The following AFF3 variants were observed in gnomAD, a reference collection of about 807,000 sequenced individuals.
The protein encoded by AFF3 is ALF transcription elongation factor 3.
A neutral mutation model predicts 129.7 loss-of-function variants in AFF3; 32 were observed. That is an observed-to-expected ratio of 0.25 (90% confidence interval 0.19 to 0.33). The LOEUF is 0.33. AFF3 is among the 10% of genes least tolerant of loss of function. AFF3 has a pLI of 1.00. For synonymous variants in AFF3, 644 were observed against 635.4 expected (o/e 1.01, Z -0.20); for missense variants, 1,373 against 1,592.0 (o/e 0.86, Z 2.34).
chr2:99,556,962 C>T (rs1674981936), intron 22 of AFF3, among the ~76,000 whole-genome samples: 1 of 151,232 alleles, frequency 6.6e-6, no homozygotes, highest in Non-Finnish European at 1.5e-5. Context: ...TTTCAGTTAT[C>T]AGGAATAAGT....
chr2:99,989,623 T>C (rs1353279868), intron 7 of AFF3, among the ~76,000 whole-genome samples: 1 of 152,218 alleles, frequency 6.6e-6, no homozygotes. Flanking sequence ...TTATAGCTAG[T>C]CTCATTTGCA....
intron 22 of AFF3, 99 bp downstream of exon 22, chr2:99,558,776 C>A (rs1297647117): frequency 1.2e-5 from 14 of 1,184,110 alleles, no homozygotes; most frequent in Admixed American, 8.0e-5. Context: ...AGGTGACCTG[C>A]ATTAACCCCA....
intron 8 of AFF3, among the ~76,000 whole-genome samples, chr2:99,814,838 G>A (rs910046442): frequency 2.0e-5 from 3 of 146,572 alleles, no homozygotes; most frequent in Non-Finnish European, 4.5e-5. Flanking sequence ...CATATGATTT[G>A]GCATTTTAAT....
chr2:99,954,657 T>C (rs1232502739), intron 7 of AFF3, among the ~76,000 whole-genome samples: 2 of 150,184 alleles, frequency 1.3e-5, no homozygotes, highest in African/African-American at 2.5e-5. Flanking sequence ...CAGTAAACTA[T>C]CGCAAGAACA....
At chr2:99,795,514 T>C (rs1218880970) in intron 8 of AFF3, among the ~76,000 whole-genome samples, 2 of 152,074 alleles carry the variant, frequency 1.3e-5, no homozygotes, top group African/African-American at 4.8e-5. Context: ...TATACTCCCA[T>C]AACAAAACAG....
chr2:99,894,161 T>C (rs911386654), intron 7 of AFF3, among the ~76,000 whole-genome samples: 13 of 150,580 alleles, frequency 8.6e-5, no homozygotes, highest in Non-Finnish European at 1.6e-4. Flanking sequence ...AGGATGTTCC[T>C]CACAAAGCCC....
At chr2:100,104,992 C>T (rs1254285846) in intron 3 of AFF3, 3 of 150,618 alleles carry the variant, frequency 2.0e-5, no homozygotes, top group Non-Finnish European at 4.4e-5. Context: ...GCCGCGCCGC[C>T]CTGCCGCCCC....
At chr2:100,020,145 A>G (rs1357408340) in intron 4 of AFF3, among the ~76,000 whole-genome samples, 1 of 151,958 alleles carries the variant, frequency 6.6e-6, no homozygotes, top group African/African-American at 2.4e-5. Context: ...GTTCACGGCC[A>G]GGCTTCAACT....
chr2:99,947,106 G>A (rs551159089), intron 7 of AFF3, among the ~76,000 whole-genome samples: 3 of 152,244 alleles, frequency 2.0e-5, no homozygotes, highest in African/African-American at 4.8e-5. Context: ...ATATAAAGGC[G>A]CATAACACAT....
intron 7 of AFF3, among the ~76,000 whole-genome samples, chr2:99,896,268 A>G (rs1693938382): frequency 6.6e-6 from 1 of 152,192 alleles, no homozygotes; most frequent in Admixed American, 6.5e-5. Flanking sequence ...ACTGTGTACT[A>G]TGGAATGCAC....
chr2:99,630,029 C>A (rs1448396945), intron 13 of AFF3, among the ~76,000 whole-genome samples: 8 of 152,228 alleles, frequency 5.3e-5, no homozygotes, highest in African/African-American at 9.6e-5. Context: ...TCACTATAGA[C>A]CCCCTTCTGA....
chr2:99,748,267 T>C lies in AFF3; in HGVS notation c.1002+3954A>G, dbSNP rs367846574. On this transcript the variant is annotated intron_variant, in intron 9 of 24. Coordinates refer to ENST00000672756, the MANE Select transcript of AFF3 (RefSeq NM_001386135.1). ...GCCACCCCATCCAGATACCTACATA[T>C]GTGTAGCTTCTGTCTCACCAGCCTT... 1.7e-4 allele frequency among the ~76,000 whole-genome samples: 26 copies of C among 152,300 alleles called. 1 individual carries two copies. Among genetic ancestry groups the C allele is most frequent in the South Asian group, 1.7e-3 (8 of 4,826 alleles).
At chr2:99,664,770 AT>A (rs1686530726) in intron 12 of AFF3, among the ~76,000 whole-genome samples, 1 of 152,244 alleles carries the variant, frequency 6.6e-6, no homozygotes, top group South Asian at 2.1e-4. Flanking sequence ...CGTTCAACAA[AT>A]ATTTAGCAGT....
chr2:99,574,919 G>T (rs80159119), intron 18 of AFF3, among the ~76,000 whole-genome samples: 4 of 152,126 alleles, frequency 2.6e-5, no homozygotes, highest in Non-Finnish European at 2.9e-5. Context: ...GAGAAGTCAA[G>T]GGAGGTGACA....
intron 7 of AFF3, 81 bp from the exon 8 acceptor site, chr2:99,837,605 C>T (rs199999320): frequency 3.1e-6 from 4 of 1,299,144 alleles, no homozygotes; most frequent in South Asian, 2.5e-5. Flanking sequence ...CCAAATTAGT[C>T]CCCCCCAACA....
intron 7 of AFF3, among the ~76,000 whole-genome samples, chr2:99,851,687 A>C (rs1028351609): frequency 3.3e-5 from 5 of 152,184 alleles, no homozygotes; most frequent in Non-Finnish European, 7.4e-5. Flanking sequence ...CAGAAACTCT[A>C]ATATCTATAA....
chr2:99,632,546 A>G (rs1464013239), intron 13 of AFF3, among the ~76,000 whole-genome samples: 1 of 151,966 alleles, frequency 6.6e-6, no homozygotes, highest in Non-Finnish European at 1.5e-5. Context: ...GGGCCTTCTG[A>G]GCTCCCCGGG....
At chr2:99,652,436 C>T (rs964486753) in intron 12 of AFF3, among the ~76,000 whole-genome samples, 1 of 152,132 alleles carries the variant, frequency 6.6e-6, no homozygotes, top group Non-Finnish European at 1.5e-5. Flanking sequence ...GAATTGTCCC[C>T]TTAAAATGAC....
chr2:99,873,623 A>G (rs1424211988), intron 7 of AFF3, among the ~76,000 whole-genome samples: 2 of 152,178 alleles, frequency 1.3e-5, no homozygotes, highest in Admixed American at 6.5e-5. Flanking sequence ...AATGAAGAAC[A>G]AAGCTGGCCT....
Sources: allele counts gnomAD v4.1 joint callset (sites outside exome capture counted in the v4.1 genomes callset), GRCh38; gene constraint gnomAD v4.1.1; transcripts MANE v1.5; gene names NCBI Gene and HGNC (gene_info 2026-07-23, HGNC 2026-07-21).